The following MYCBP2 variants were observed in gnomAD, a reference collection of about 807,000 sequenced individuals.
MYCBP2 encodes MYC binding protein 2, also known as E3 ubiquitin-protein ligase MYCBP2.
A neutral mutation model predicts 525.3 loss-of-function variants in MYCBP2; 120 were observed. That is an observed-to-expected ratio of 0.23 (90% CI 0.20 to 0.27). MYCBP2 has a LOEUF of 0.27. Ranked by LOEUF, MYCBP2 falls within the 10% of genes least tolerant of loss-of-function variation. The pLI, the probability that MYCBP2 is intolerant of heterozygous loss-of-function variation, is 1.00. For missense variants in MYCBP2, 4,149 were observed against 5,657.1 expected (o/e 0.73, Z 8.55); for synonymous variants, 1,894 against 1,955.8 (o/e 0.97, Z 0.83).
At chr13:77,278,638 T>A in intron 4 of MYCBP2, 120 bp downstream of exon 4, 1 of 913,296 alleles carries the variant, frequency 1.1e-6, no homozygotes, top group South Asian at 5.2e-5. Flanking sequence ...CCTCAAGTAC[T>A]TAACATTTTC....
intron 43 of MYCBP2, among the ~76,000 whole-genome samples, chr13:77,163,872 C>T (rs944580841): frequency 6.6e-6 from 1 of 152,172 alleles, no homozygotes; most frequent in Non-Finnish European, 1.5e-5. Flanking sequence ...AGCATCCCCT[C>T]TCCTGGTTTC....
chr13:77,216,192 G>C (rs755917825), intron 21 of MYCBP2, among the ~76,000 whole-genome samples: 1 of 152,006 alleles, frequency 6.6e-6, no homozygotes, highest in Non-Finnish European at 1.5e-5. Flanking sequence ...AGATAATCTA[G>C]GCACCCAAAT....
chr13:77,296,472 G>A (rs2078201219), intron 2 of MYCBP2, 127 bp downstream of exon 2: 2 of 985,170 alleles, frequency 2.0e-6, no homozygotes, highest in East Asian at 3.3e-5. Flanking sequence ...AAATCATAAA[G>A]GGCTTTTACA....
Position 77,125,396 on chromosome 13 carries a change from C to T in MYCBP2, c.7957G>A (p.Gly2653Arg). ...SMVEFCESDE[G>R]EAWSLARDRG... is the part of the protein sequence containing the mutation. ...TCTCTAGCTAAGGACCATGCCTCTC[C>T]TTCATCACTCTCACAGAACTCTACC... Residue 2653 changes from glycine (G) to arginine (R), a missense_variant, in exon 54 of 83, where the codon GGA becomes AGA. Gly to Arg is a moderately radical substitution (Grantham distance 125). This residue lies in a region of MYCBP2 where 653 missense variants were observed against 744.7 expected (regional missense o/e 0.88). Coordinates refer to ENST00000544440, the MANE Select transcript of MYCBP2 (RefSeq NM_015057.5). 6.2e-7 allele frequency: 1 copy of T among 1,614,008 alleles called. No individual in the cohort carries two copies. The highest frequency in any genetic ancestry group is 8.5e-7 in the Non-Finnish European group (1 of 1,179,892).
intron 66 of MYCBP2, 138 bp downstream of exon 66, chr13:77,078,686 G>A: frequency 1.5e-6 from 1 of 677,868 alleles, no homozygotes; most frequent in Non-Finnish European, 2.6e-6. Context: ...TGGACCACTT[G>A]TCAATTTAGT....
chr13:77,106,993 C>T (rs767463995), intron 55 of MYCBP2, among the ~76,000 whole-genome samples: 1 of 152,116 alleles, frequency 6.6e-6, no homozygotes, highest in Non-Finnish European at 1.5e-5. Context: ...GTATTCTGTT[C>T]ATGCTATACA....
chr13:77,261,196 A>C lies in MYCBP2; in HGVS notation c.1827T>G (p.Ala609=). ...TTGATTCTCCATCTTCTCCTTTACTAGCAGATCCTGTAAAGAATATGCTCC... is the reference window on the plus strand; with the variant it reads ...TTGATTCTCCATCTTCTCCTTTACTCGCAGATCCTGTAAAGAATATGCTCC... ...EDGSIFFTGS[A]SKGEDGESTK... The change falls in exon 12 of 83, where the codon GCT becomes GCG. Residue 609 remains alanine, a synonymous_variant. Coordinates refer to ENST00000544440, the MANE Select transcript of MYCBP2 (RefSeq NM_015057.5). 1 of 1,612,924 alleles carries C rather than the reference A, an allele frequency of 6.2e-7. No individual in the cohort carries two copies. Among genetic ancestry groups the C allele is most frequent in the Non-Finnish European group, 8.5e-7 (1 of 1,179,234 alleles).
intron 58 of MYCBP2, among the ~76,000 whole-genome samples, chr13:77,095,130 G>A (rs767845898): frequency 1.3e-5 from 2 of 152,080 alleles, no homozygotes; most frequent in African/African-American, 2.4e-5. Flanking sequence ...GACATGTTGT[G>A]TATTAATACA....
At chr13:77,069,641 G>A (rs1406523751) in intron 69 of MYCBP2, among the ~76,000 whole-genome samples, 2 of 149,356 alleles carry the variant, frequency 1.3e-5, no homozygotes, top group African/African-American at 5.0e-5. Flanking sequence ...TGGATCACGA[G>A]GTCAGGAGAT....
At chr13:77,307,625 CA>C (rs763388200) in intron 1 of MYCBP2, among the ~76,000 whole-genome samples, 703 of 30,104 alleles carry the variant, frequency 0.023, no homozygotes, top group African/African-American at 0.076. Flanking sequence ...GACCCTGTCT[CA>C]AAAAAAAAAA....
At chr13:77,224,408 GA>G (rs749890954) in intron 20 of MYCBP2, 42 bp downstream of exon 20, 5 of 1,239,428 alleles carry the variant, frequency 4.0e-6, no homozygotes, top group Non-Finnish European at 5.8e-6. Flanking sequence ...GAAAACAGAA[GA>G]AAAAATAACT....
At position 77,098,466 on chromosome 13, in the gene MYCBP2, T is replaced by C. The variant is rs761024421; in HGVS notation, c.8688A>G (p.Ser2896=). ...MPLTEPLRGR[S]TSPKPKSVPK... is the part of the protein sequence containing the mutation. ...GTACTGATTTTGGTTTTGGTGACGT[T>C]GACCGTCCTCTCAAAGGTTCTGTGA... The change falls in exon 56 of 83, where the codon TCA becomes TCG. Residue 2896 remains serine (S), a synonymous_variant. Coordinates refer to ENST00000544440, the MANE Select transcript of MYCBP2 (RefSeq NM_015057.5). The C allele has an allele frequency of 1.9e-6, 3 of 1,613,738 alleles. No homozygotes were observed. In the South Asian group the frequency reaches 3.3e-5, roughly 18 times the overall value.
At chr13:77,281,182 G>A (rs927761989) in intron 3 of MYCBP2, among the ~76,000 whole-genome samples, 2 of 151,984 alleles carry the variant, frequency 1.3e-5, no homozygotes, top group African/African-American at 4.8e-5. Context: ...AGAGTGTAAG[G>A]AGAAAAAATA....
chr13:77,196,055 T>G (rs2061725380), intron 26 of MYCBP2, among the ~76,000 whole-genome samples: 1 of 152,162 alleles, frequency 6.6e-6, no homozygotes, highest in Non-Finnish European at 1.5e-5. Flanking sequence ...GGTTGGGAAT[T>G]GAATTTACAG....
chr13:77,137,184 G>A (rs2053888753), intron 52 of MYCBP2, among the ~76,000 whole-genome samples: 1 of 152,176 alleles, frequency 6.6e-6, no homozygotes, highest in Non-Finnish European at 1.5e-5. Flanking sequence ...GTCTACTACA[G>A]ATTGTCTCTT....
Position 77,121,414 on chromosome 13 carries a change from C to A in MYCBP2, c.8099G>T (p.Cys2700Phe). The A allele has an allele frequency of 6.3e-7, 1 of 1,597,610 alleles. No individual in the cohort carries two copies. The highest frequency in any genetic ancestry group is 1.3e-5 in the African/African-American group (1 of 74,810). The change falls in exon 55 of 83, where the codon TGC (cysteine) becomes TTC (phenylalanine). Residue 2700 changes from cysteine to phenylalanine, a missense_variant. This residue lies in a region of MYCBP2 where 653 missense variants were observed against 744.7 expected (regional missense o/e 0.88). Coordinates refer to ENST00000544440, the MANE Select transcript of MYCBP2 (RefSeq NM_015057.5). ...TCCATAATCAAATCCTTGGGCACTG[C>A]AACTTGCCCCTTTATTAAAAGCTTG... is the stretch of plus-strand genomic sequence containing the variant. ...SVQAFNKGAS[C>F]SAQGFDYGLG...
intron 16 of MYCBP2, 29 bp downstream of exon 16, chr13:77,243,777 T>C: frequency 6.2e-7 from 1 of 1,605,464 alleles, no homozygotes; most frequent in Non-Finnish European, 8.5e-7. Flanking sequence ...GACAACTCAG[T>C]GTAGCATAGT....
chr13:77,318,100 A>G (rs1187054119), intron 1 of MYCBP2, among the ~76,000 whole-genome samples: 1 of 152,214 alleles, frequency 6.6e-6, no homozygotes, highest in African/African-American at 2.4e-5. Context: ...CCTGCTGGAA[A>G]GACAAATTCA....
chr13:77,051,903 C>T lies in MYCBP2; in HGVS notation c.13663G>A (p.Glu4555Lys), dbSNP rs1307607664. ...YKCRKAYFGG[E>K]ARCDAEAGRG... ...CCAGCCTCAGCATCGCAGCGAGCTT[C>T]ACCACCAAAATATGCCTGTGGAGAA... Residue 4555 changes from glutamate (E) to lysine (K), a missense_variant, in exon 81 of 83, where the codon GAA becomes AAA. By Grantham distance (56) the Glu-to-Lys change is moderately conservative. Transcript: ENST00000544440. 1 of 1,614,078 alleles carries T rather than the reference C, an allele frequency of 6.2e-7. No homozygotes were observed. Among genetic ancestry groups the T allele is most frequent in the African/African-American group, 1.3e-5 (1 of 75,038 alleles).
Sources: gnomAD v4.1 joint callset for allele counts (sites outside exome capture counted in the v4.1 genomes callset) on GRCh38, gnomAD v4.1.1 for gene constraint, gnomAD v4.1.1 regional missense constraint, MANE v1.5 for transcripts, NCBI Gene and HGNC (gene_info 2026-07-23, HGNC 2026-07-21) for gene names.